Variants in RELCH observed in about 807,000 individuals in gnomAD.
RELCH encodes RAB11-binding protein RELCH.
Under a neutral mutation model 150.3 loss-of-function variants are expected in RELCH, and 41 were observed. The observed-to-expected ratio is 0.27, with a 90% confidence interval of 0.21 to 0.35. RELCH has a LOEUF of 0.35. Ranked by LOEUF, RELCH falls within the 10% of genes least tolerant of loss-of-function variation. The pLI is 1.00. For missense variants in RELCH, 1,092 were observed against 1,467.8 expected (o/e 0.74, Z 4.18); for synonymous variants, 478 against 531.8 (o/e 0.90, Z 1.39).
At chr18:62,209,647 CAA>C (rs35985070) in intron 1 of RELCH, among the ~76,000 whole-genome samples, 2 of 144,976 alleles carry the variant, frequency 1.4e-5, no homozygotes, top group Non-Finnish European at 3.0e-5. Flanking sequence ...TCAATTTCTG[CAA>C]AAAAAAAAAA....
chr18:62,223,640 G>T (rs1040573175), intron 5 of RELCH, among the ~76,000 whole-genome samples: 1 of 151,880 alleles, frequency 6.6e-6, no homozygotes, highest in Non-Finnish European at 1.5e-5. Flanking sequence ...AAAATTACAG[G>T]CTCATTTCCT....
chr18:62,294,829 C>T (rs778444037), intron 27 of RELCH, among the ~76,000 whole-genome samples: 1 of 151,972 alleles, frequency 6.6e-6, no homozygotes, highest in Non-Finnish European at 1.5e-5. Flanking sequence ...TATTTCTTTT[C>T]CTATATGGAC....
At chr18:62,243,903 ATTTCT>A (rs1371727873) in intron 10 of RELCH, among the ~76,000 whole-genome samples, 4 of 152,034 alleles carry the variant, frequency 2.6e-5, no homozygotes, top group Admixed American at 1.3e-4. Context: ...CATCATAGTG[ATTTCT>A]TTACTGTATT....
At chr18:62,190,752 C>A (rs1451140910) in intron 1 of RELCH, among the ~76,000 whole-genome samples, 1 of 152,102 alleles carries the variant, frequency 6.6e-6, no homozygotes, top group Non-Finnish European at 1.5e-5. Flanking sequence ...TAATGCTTTG[C>A]CGTGGCTGCT....
In RELCH at chr18:62,264,779, C is replaced by T; in HGVS notation, c.2558C>T (p.Ala853Val). ...GGCAAAATTAATGTTACTTCAACTGCCTGTGTCCATGAATTCTCCAGATTT... is the reference window on the plus strand; with the variant it reads ...GGCAAAATTAATGTTACTTCAACTGTCTGTGTCCATGAATTCTCCAGATTT... Reference protein sequence around the residue: ...IVGKINVTSTACVHEFSRFFW... With the variant: ...IVGKINVTSTVCVHEFSRFFW... Residue 853 changes from alanine (A) to valine (V), a missense_variant, in exon 18 of 29, where the codon GCC (alanine) becomes GTC (valine). This residue lies in a region of RELCH where 707 missense variants were observed against 1,025.4 expected (regional missense o/e 0.69). Coordinates refer to ENST00000644646, the MANE Select transcript of RELCH (RefSeq NM_001346231.2). 6.2e-7 allele frequency: 1 copy of T among 1,607,630 alleles called. No homozygotes were observed. Among genetic ancestry groups the T allele is most frequent in the Non-Finnish European group, 8.5e-7 (1 of 1,175,826 alleles).
chr18:62,260,147 A>T (rs1212172751), intron 15 of RELCH, among the ~76,000 whole-genome samples: 1 of 151,100 alleles, frequency 6.6e-6, no homozygotes, highest in Non-Finnish European at 1.5e-5. Flanking sequence ...TCCATCCAAC[A>T]AGGGATTAAT....
At chr18:62,226,532 G>T (rs1300082118) in intron 5 of RELCH, among the ~76,000 whole-genome samples, 2 of 151,968 alleles carry the variant, frequency 1.3e-5, no homozygotes, top group Non-Finnish European at 2.9e-5. Context: ...AATAAAAGAA[G>T]AACAAAATTA....
At chr18:62,244,317 A>G (rs1158155086) in intron 10 of RELCH, among the ~76,000 whole-genome samples, 1 of 152,190 alleles carries the variant, frequency 6.6e-6, no homozygotes, top group Non-Finnish European at 1.5e-5. Context: ...AGATCTAATC[A>G]TAAGGACATT....
At chr18:62,239,011 C>A (rs2042009644) in intron 10 of RELCH, among the ~76,000 whole-genome samples, 1 of 151,994 alleles carries the variant, frequency 6.6e-6, no homozygotes, top group African/African-American at 2.4e-5. Flanking sequence ...TTCATGGAAA[C>A]CTTACAAGTA....
intron 16 of RELCH, 72 bp from the exon 17 acceptor site, chr18:62,263,917 C>T: frequency 8.2e-7 from 1 of 1,220,510 alleles, no homozygotes; most frequent in Non-Finnish European, 1.2e-6. Context: ...ACCTTATTTT[C>T]CTTTCAACAG....
At chr18:62,217,122 A>G (rs2040526281) in intron 2 of RELCH, among the ~76,000 whole-genome samples, 1 of 152,048 alleles carries the variant, frequency 6.6e-6, no homozygotes, top group Non-Finnish European at 1.5e-5. Flanking sequence ...CTAAAAATAA[A>G]AGTGATTATA....
chr18:62,237,848 GCTGT>G (rs1190827707), intron 10 of RELCH, among the ~76,000 whole-genome samples: 1 of 151,692 alleles, frequency 6.6e-6, no homozygotes, highest in African/African-American at 2.4e-5. Flanking sequence ...TTTAATCAGA[GCTGT>G]CTAATAAATT....
At chr18:62,243,121 A>G (rs1418347775) in intron 10 of RELCH, among the ~76,000 whole-genome samples, 1 of 152,148 alleles carries the variant, frequency 6.6e-6, no homozygotes, top group Non-Finnish European at 1.5e-5. Context: ...TTCTACTCTC[A>G]ATAGTATACC....
chr18:62,301,080 C>T (rs1190047238), intron 28 of RELCH: 1 of 152,106 alleles, frequency 6.6e-6, no homozygotes, highest in Non-Finnish European at 1.5e-5. Context: ...TAAAGGAATA[C>T]AGGAGTCTTC....
Position 62,227,335 on chromosome 18 carries a change from CA to C in RELCH, c.906del (p.Asp303ThrfsTer14). 2 of 1,611,662 alleles carry C rather than the reference CA, an allele frequency of 1.2e-6. No homozygotes were observed. Among genetic ancestry groups the C allele is most frequent in the Non-Finnish European group, 1.7e-6 (2 of 1,178,356 alleles). ...GTAGGATTAAACATTCCAAAACCTC[CA>C]GACTTATTGCAACTCTACCGGGATT... ...DDVGLNIPKP[P>X]DLLQLYRDFG... On this transcript the variant is annotated frameshift_variant, in exon 6 of 29. Coordinates refer to ENST00000644646, the MANE Select transcript of RELCH (RefSeq NM_001346231.2). LOFTEE classifies it high-confidence loss of function.
intron 13 of RELCH, among the ~76,000 whole-genome samples, 158 bp downstream of exon 13, chr18:62,255,636 T>G (rs1016645611): frequency 6.6e-6 from 1 of 152,092 alleles, no homozygotes; most frequent in African/African-American, 2.4e-5. Flanking sequence ...TAGTACAGTA[T>G]GGCATTGCAG....
intron 15 of RELCH, among the ~76,000 whole-genome samples, chr18:62,259,775 A>G (rs2043167103): frequency 6.6e-6 from 1 of 152,012 alleles, no homozygotes; most frequent in Admixed American, 6.6e-5. Flanking sequence ...TGGTATTGGC[A>G]TAAAACAGAC....
Position 62,187,397 on chromosome 18 carries a change from G to A in RELCH, c.-109G>A. 2 of 1,080,908 alleles carry A rather than the reference G, an allele frequency of 1.9e-6. No homozygotes were observed. The highest frequency in any genetic ancestry group is 5.2e-5 in the East Asian group (2 of 38,136). 67.0% of individuals were successfully genotyped at this position (1,080,908 alleles called of 1,614,324 possible). Reference sequence around the variant, plus strand: ...GTCTCTAAGTCGGGAGGCAGGACGTGGTCAGGCCGGGGCTGTGGAGGTGCG... The same window carrying A: ...GTCTCTAAGTCGGGAGGCAGGACGTAGTCAGGCCGGGGCTGTGGAGGTGCG... On this transcript the variant is annotated 5_prime_UTR_variant, in exon 1 of 29. Transcript: ENST00000644646.
chr18:62,280,861 A>T, intron 24 of RELCH, 152 bp downstream of exon 24: 1 of 580,050 alleles, frequency 1.7e-6, no homozygotes, highest in South Asian at 2.1e-5. Flanking sequence ...AAAACATGGT[A>T]GCCTAACCAA....
Sources: allele counts gnomAD v4.1 joint callset (sites outside exome capture counted in the v4.1 genomes callset), GRCh38; gene constraint gnomAD v4.1.1; regional missense constraint gnomAD v4.1.1; transcripts MANE v1.5; gene names NCBI Gene and HGNC (gene_info 2026-07-23, HGNC 2026-07-21).